CDA: variants seen among roughly 807,000 people sequenced by gnomAD.
CDA encodes the protein cytidine deaminase.
A neutral mutation model predicts 15.0 loss-of-function variants in CDA; 7 were observed. That is an observed-to-expected ratio of 0.47 (90% confidence interval 0.26 to 0.87). The LOEUF (loss-of-function observed/expected upper bound fraction) is 0.87, where lower values mean the gene tolerates loss of function less well. Among genes scored for constraint, CDA ranks in the 40% least tolerant of loss-of-function variants. The pLI, the probability that CDA is intolerant of heterozygous loss-of-function variation, is 0.15. For missense variants in CDA, 159 were observed against 182.7 expected, an observed-to-expected ratio of 0.87 and a Z score of 0.75; for synonymous variants, 58 against 73.0, an observed-to-expected ratio of 0.79 and a Z score of 1.05.
At position 20,613,820 on chromosome 1, in the gene CDA, GTT is replaced by G; in HGVS notation, c.267-20_267-19del. 6.2e-7 allele frequency: 1 copy of G among 1,612,350 alleles called. No homozygotes were observed. Among genetic ancestry groups the G allele is most frequent in the Non-Finnish European group, 8.5e-7 (1 of 1,178,480 alleles). Reference sequence around the variant, plus strand: ...CAGTCCTTGGGAGAGACTAATTTGAGTTTGATTCTTTGCTTCCCCAGTGACAT... The same window carrying G: ...CAGTCCTTGGGAGAGACTAATTTGAGTGATTCTTTGCTTCCCCAGTGACAT... On this transcript the variant is annotated intron_variant, in intron 2 of 3. Transcript: ENST00000375071.
At chr1:20,609,173 G>A (rs2052723080) in intron 2 of CDA, among the ~76,000 whole-genome samples, 1 of 152,058 alleles carries the variant, frequency 6.6e-6, no homozygotes, top group Non-Finnish European at 1.5e-5. Flanking sequence ...TTGGGTAGTG[G>A]GCCACAGATG....
intron 1 of CDA, among the ~76,000 whole-genome samples, chr1:20,591,009 A>G (rs4259612): frequency 0.29 from 44,521 of 151,960 alleles, 6,882 homozygotes; most frequent in African/African-American, 0.38. Context: ...GAGCCAGGGG[A>G]CCCCCATGCC....
intron 3 of CDA, among the ~76,000 whole-genome samples, chr1:20,615,169 CACTT>C (rs1309465695): frequency 1.3e-5 from 2 of 151,842 alleles, no homozygotes; most frequent in African/African-American, 2.4e-5. Context: ...CTGGAGTGTA[CACTT>C]AAACATGGTT....
chr1:20,607,073 A>T (rs1288738237), intron 2 of CDA, among the ~76,000 whole-genome samples: 1 of 152,194 alleles, frequency 6.6e-6, no homozygotes, highest in Non-Finnish European at 1.5e-5. Context: ...CTCTTCACTC[A>T]TAGTGGAGTT....
intron 2 of CDA, among the ~76,000 whole-genome samples, chr1:20,608,786 A>G (rs1277173484): frequency 6.6e-6 from 1 of 152,172 alleles, no homozygotes; most frequent in African/African-American, 2.4e-5. Context: ...GAGTGTGTAG[A>G]TTTGGGGTTC....
At chr1:20,591,905 G>A (rs61781229) in intron 1 of CDA, among the ~76,000 whole-genome samples, 16,082 of 150,374 alleles carry the variant, frequency 0.11, 943 homozygotes, top group African/African-American at 0.14. Context: ...GTGCAGTGGC[G>A]CGATCTCGGC....
At chr1:20,611,071 T>C (rs1250046066) in intron 2 of CDA, among the ~76,000 whole-genome samples, 1 of 152,076 alleles carries the variant, frequency 6.6e-6, no homozygotes, top group East Asian at 1.9e-4. Context: ...AAGATCCTAT[T>C]TCTACAACAA....
In CDA at chr1:20,610,625, G is replaced by A. The variant is rs187528798; in HGVS notation, c.267-3217G>A. ...AACAATTGTTGTTAAGATATAATAA[G>A]ATGAATTATGAAATAGTACATAAAT... On this transcript the variant is annotated intron_variant, in intron 2 of 3. Coordinates refer to ENST00000375071, the MANE Select transcript of CDA (RefSeq NM_001785.3). Among the ~76,000 whole-genome samples, 95 of 152,174 alleles carry A rather than the reference G, an allele frequency of 6.2e-4. 2 individuals carry two copies. The highest frequency in any genetic ancestry group is 4.9e-3 in the Admixed American group (75 of 15,268).
intron 2 of CDA, among the ~76,000 whole-genome samples, chr1:20,607,608 C>T (rs1336394127): frequency 6.6e-6 from 1 of 152,146 alleles, no homozygotes; most frequent in Non-Finnish European, 1.5e-5. Context: ...GAGGCTTTTT[C>T]TCTTGGTCAT....
intron 1 of CDA, 60 bp from the exon 2 acceptor site, chr1:20,604,868 A>C: frequency 1.8e-6 from 2 of 1,137,600 alleles, no homozygotes; most frequent in Non-Finnish European, 2.6e-6. Flanking sequence ...CTTCTTACTC[A>C]ACACACGCAA....
At position 20,613,867 on chromosome 1, in the gene CDA, C is replaced by G. The variant is rs139263960; in HGVS notation, c.292C>G (p.Pro98Ala). 1 of 1,613,886 alleles carries G rather than the reference C, an allele frequency of 6.2e-7. No individual in the cohort carries two copies. Among genetic ancestry groups the G allele is most frequent in the South Asian group, 1.1e-5 (1 of 91,074 alleles). ...ASDMQDDFIS[P>A]CGACRQVMRE... ...TGACATGCAAGATGATTTTATCTCT[C>G]CATGTGGGGCCTGCAGGCAAGTCAT... Residue 98 changes from proline (P) to alanine (A), a missense_variant, in exon 3 of 4, where the codon CCA (proline) becomes GCA (alanine). By Grantham distance (27) the Pro-to-Ala change is conservative. Coordinates refer to ENST00000375071, the MANE Select transcript of CDA (RefSeq NM_001785.3).
chr1:20,606,785 C>T (rs12036909), intron 2 of CDA, among the ~76,000 whole-genome samples: 55,273 of 152,058 alleles, frequency 0.36, 10,430 homozygotes, highest in South Asian at 0.47. Flanking sequence ...TTACTTTCCA[C>T]GGGAGCATGT....
chr1:20,591,947 G>A (rs1484828902), intron 1 of CDA, among the ~76,000 whole-genome samples: 5 of 151,602 alleles, frequency 3.3e-5, no homozygotes, highest in Non-Finnish European at 7.4e-5. Context: ...AGGTTCAAGC[G>A]ATTCTCCTGC....
chr1:20,614,101 C>A (rs1429691869), intron 3 of CDA, among the ~76,000 whole-genome samples: 1 of 151,958 alleles, frequency 6.6e-6, no homozygotes, highest in Non-Finnish European at 1.5e-5. Flanking sequence ...CAAATACTTA[C>A]CGAGTGAGTG....
intron 1 of CDA, among the ~76,000 whole-genome samples, chr1:20,591,373 A>G (rs2052547781): frequency 3.3e-5 from 5 of 152,086 alleles, no homozygotes; most frequent in Admixed American, 2.6e-4. Flanking sequence ...ACAAACCCAC[A>G]ATAAAGGAGG....
intron 1 of CDA, among the ~76,000 whole-genome samples, chr1:20,589,717 A>C (rs2052530970): frequency 6.6e-6 from 1 of 152,146 alleles, no homozygotes; most frequent in African/African-American, 2.4e-5. Context: ...AGGTCTCGAG[A>C]GGTGACATGA....
At position 20,591,876 on chromosome 1, in the gene CDA, C is replaced by A. The variant is rs141852576; in HGVS notation, c.154+2593C>A. Among the ~76,000 whole-genome samples, 56 of 149,634 alleles carry A rather than the reference C, an allele frequency of 3.7e-4. No individual in the cohort carries two copies. The East Asian group carries it at 0.011, about 29-fold the overall frequency. On this transcript the variant is annotated intron_variant, in intron 1 of 3. Transcript: ENST00000375071. The stretch of plus-strand genomic sequence containing the variant: ...TTTTTTTTTTTGAGATGGAGTCTCA[C>A]TCTGTCACCCAGGCTGGAGTGCAGT...
At chr1:20,611,962 G>A (rs1003124660) in intron 2 of CDA, among the ~76,000 whole-genome samples, 6 of 151,830 alleles carry the variant, frequency 4.0e-5, no homozygotes, top group Non-Finnish European at 8.8e-5. Context: ...TCCCAGGCTC[G>A]AGTGATCCTC....
chr1:20,612,836 G>A (rs932581184), intron 2 of CDA, among the ~76,000 whole-genome samples: 1 of 151,500 alleles, frequency 6.6e-6, no homozygotes, highest in Non-Finnish European at 1.5e-5. Flanking sequence ...CCAGCTACTC[G>A]GGAGGTTGAG....
Sources: allele counts gnomAD v4.1 joint callset (sites outside exome capture counted in the v4.1 genomes callset), GRCh38; gene constraint gnomAD v4.1.1; transcripts MANE v1.5; gene names NCBI Gene and HGNC (gene_info 2026-07-23, HGNC 2026-07-21).